The following NBEA variants were observed in gnomAD, a reference collection of about 807,000 sequenced individuals.
The protein encoded by NBEA is neurobeachin.
Under a neutral mutation model 343.4 loss-of-function variants are expected in NBEA, and 44 were observed. That is an observed-to-expected ratio of 0.13 (90% CI 0.10 to 0.16). The LOEUF is 0.16. Among genes scored for constraint, NBEA ranks in the 10% least tolerant of loss-of-function variants. The pLI is 1.00. For synonymous variants in NBEA, 1,175 were observed against 1,238.7 expected (o/e 0.95, Z 1.08); for missense variants, 2,555 against 3,631.3 (o/e 0.70, Z 7.62).
intron 41 of NBEA, chr13:35,475,362 A>G (rs2075817128): frequency 6.2e-7 from 1 of 1,613,900 alleles, no homozygotes. Flanking sequence ...CAAGGTGACG[A>G]TCCCTTAAGG....
intron 1 of NBEA, among the ~76,000 whole-genome samples, chr13:34,980,282 A>G (rs1415813915): frequency 1.2e-4 from 18 of 152,002 alleles, no homozygotes; most frequent in African/African-American, 4.1e-4. Context: ...ACATAGTTTA[A>G]TGAGGGGGAA....
chr13:35,346,078 A>G (rs567619294), intron 36 of NBEA, among the ~76,000 whole-genome samples: 12 of 152,104 alleles, frequency 7.9e-5, no homozygotes, highest in African/African-American at 2.4e-4. Flanking sequence ...AACTGATACA[A>G]TTTCTTTGGT....
chr13:35,049,559 A>G (rs1289584309), intron 5 of NBEA, among the ~76,000 whole-genome samples: 2 of 151,850 alleles, frequency 1.3e-5, no homozygotes, highest in Non-Finnish European at 3.0e-5. Context: ...TAAAATATAT[A>G]TGGATAAAAT....
At chr13:35,478,379 A>G (rs2152964000) in intron 41 of NBEA, among the ~76,000 whole-genome samples, 1 of 152,300 alleles carries the variant, frequency 6.6e-6, no homozygotes, top group East Asian at 1.9e-4. Flanking sequence ...TGAATGCACC[A>G]CTACCTTTTG....
intron 38 of NBEA, among the ~76,000 whole-genome samples, chr13:35,361,165 T>A (rs959133831): frequency 2.0e-5 from 3 of 152,044 alleles, no homozygotes; most frequent in Admixed American, 1.3e-4. Flanking sequence ...AGATAACTTT[T>A]TTATCATAGT....
intron 38 of NBEA, among the ~76,000 whole-genome samples, chr13:35,423,024 G>A (rs558026759): frequency 6.6e-5 from 10 of 152,080 alleles, no homozygotes; most frequent in Non-Finnish European, 1.2e-4. Context: ...ATTTGTTTAA[G>A]TTCTTTGTAG....
intron 21 of NBEA, 78 bp from the exon 22 acceptor site, chr13:35,158,938 C>A: frequency 8.0e-7 from 1 of 1,255,148 alleles, no homozygotes; most frequent in South Asian, 1.8e-5. Flanking sequence ...TCTATTTCCA[C>A]AATTTAATTT....
At position 35,129,616 on chromosome 13, in the gene NBEA, AAG is replaced by A. The variant is rs1321477709; in HGVS notation, c.2336+6047_2336+6048del. Among the ~76,000 whole-genome samples the A allele has an allele frequency of 4.6e-5, 7 of 152,226 alleles. No homozygotes were observed. In the East Asian group the frequency reaches 9.6e-4, roughly 21 times the overall value. ...TAAGCAAGATTACAACCATGACATT[AAG>A]AGAGGGGGAAAAAAGGAAAGGTTTC... On this transcript the variant is annotated intron_variant, in intron 17 of 58. Transcript: ENST00000379939.
chr13:35,071,096 A>G (rs2063850187), intron 10 of NBEA: 2 of 304,008 alleles, frequency 6.6e-6, no homozygotes, highest in Non-Finnish European at 1.2e-5. Context: ...CTTACCAAAG[A>G]TAGCATAATG....
chr13:34,966,510 G>T (rs958613924), intron 1 of NBEA, among the ~76,000 whole-genome samples: 1 of 151,676 alleles, frequency 6.6e-6, no homozygotes, highest in Admixed American at 6.6e-5. Context: ...TTGTGTCCTG[G>T]TTTTCTGTAA....
chr13:35,344,013 G>T (rs1458913906), intron 36 of NBEA, among the ~76,000 whole-genome samples: 2 of 151,998 alleles, frequency 1.3e-5, no homozygotes, highest in African/African-American at 4.8e-5. Flanking sequence ...AAAAGGTTGG[G>T]AACTGATGAC....
chr13:35,027,855 T>C (rs2062069051), intron 1 of NBEA, among the ~76,000 whole-genome samples: 1 of 151,974 alleles, frequency 6.6e-6, no homozygotes. Context: ...ATAAAAGATA[T>C]GAAATATCTT....
rs1357403774 is a variant in NBEA, at chr13:35,059,712, T to C, written c.1239+849T>C. On this transcript the variant is annotated intron_variant, in intron 8 of 58. Transcript: ENST00000379939. ...AAAAATATTCCCTCTTTGGCCTTTG[T>C]ATTTTTGCATTGGTATTTCTCTTTG... is the stretch of plus-strand genomic sequence containing the variant. Among the ~76,000 whole-genome samples the C allele has an allele frequency of 2.0e-5, 3 of 151,132 alleles. No homozygotes were observed. In the East Asian group the frequency reaches 5.8e-4, roughly 29 times the overall value.
intron 35 of NBEA, among the ~76,000 whole-genome samples, chr13:35,306,347 A>C (rs1476239172): frequency 6.6e-6 from 1 of 151,946 alleles, no homozygotes; most frequent in Non-Finnish European, 1.5e-5. Context: ...ACTCTTTCTA[A>C]AATTCCTATT....
intron 1 of NBEA, among the ~76,000 whole-genome samples, chr13:34,978,743 C>A (rs1593344266): frequency 6.6e-6 from 1 of 152,030 alleles, no homozygotes; most frequent in East Asian, 1.9e-4. Context: ...AGTAAAACTT[C>A]TTTTATTTAA....
chr13:35,424,093 C>T (rs938299132), intron 38 of NBEA, among the ~76,000 whole-genome samples: 1 of 152,178 alleles, frequency 6.6e-6, no homozygotes, highest in African/African-American at 2.4e-5. Context: ...ATGTCATCTA[C>T]AAACAGGGAC....
At chr13:35,146,010 T>C (rs1292589298) in intron 18 of NBEA, among the ~76,000 whole-genome samples, 1 of 152,172 alleles carries the variant, frequency 6.6e-6, no homozygotes, top group African/African-American at 2.4e-5. Flanking sequence ...TTTTGTCTTT[T>C]AAAGAGATGA....
At chr13:35,243,689 T>C (rs985724264) in intron 34 of NBEA, among the ~76,000 whole-genome samples, 6 of 151,914 alleles carry the variant, frequency 3.9e-5, no homozygotes, top group African/African-American at 1.2e-4. Context: ...AAAAGGGTTA[T>C]ACAAAGAAAA....
intron 28 of NBEA, chr13:35,179,757 A>G (rs1190400921): frequency 1.3e-5 from 13 of 984,244 alleles, no homozygotes; most frequent in Non-Finnish European, 1.6e-5. Context: ...ATGGGATATT[A>G]TGGTCTGTCA....
Sources: gnomAD v4.1 joint callset for allele counts (sites outside exome capture counted in the v4.1 genomes callset) on GRCh38, gnomAD v4.1.1 for gene constraint, MANE v1.5 for transcripts, NCBI Gene and HGNC (gene_info 2026-07-23, HGNC 2026-07-21) for gene names.